DGKD: variants seen among roughly 807,000 people sequenced by gnomAD.
DGKD encodes the protein DAG kinase delta.
A neutral mutation model predicts 154.4 loss-of-function variants in DGKD; 68 were observed. That is an observed-to-expected ratio of 0.44 (90% CI 0.36 to 0.54). The LOEUF (loss-of-function observed/expected upper bound fraction) is 0.54, where lower values mean the gene tolerates loss of function less well. Among genes scored for constraint, DGKD ranks in the 20% least tolerant of loss-of-function variants. The probability of loss-of-function intolerance (pLI) is 0.00; values close to 1 mark genes in which losing one functional copy is unlikely to be tolerated. For synonymous variants in DGKD, 693 were observed against 638.0 expected (o/e 1.09, Z -1.30); for missense variants, 1,343 against 1,593.6 (o/e 0.84, Z 2.68).
At chr2:233,461,288 T>C (rs375780130) in intron 24 of DGKD, among the ~76,000 whole-genome samples, 20 of 152,328 alleles carry the variant, frequency 1.3e-4, no homozygotes, top group African/African-American at 2.4e-4. Context: ...CTGGGCTCCT[T>C]CTTCTCCTGG....
rs1423888622 is a variant in DGKD, at chr2:233,436,379, G to A, written c.757G>A (p.Asp253Asn). Residue 253 changes from aspartate (D) to asparagine (N), a missense_variant, in exon 7 of 30, where the codon GAC (aspartate) becomes AAC (asparagine). Asp to Asn is a conservative substitution (Grantham distance 23). Coordinates refer to ENST00000264057, the MANE Select transcript of DGKD (RefSeq NM_152879.3). The part of the protein sequence containing the change: ...LPVSAKCTVC[D>N]KTCGSVLRLQ... ...TGTGAGCGCCAAGTGCACTGTGTGC[G>A]ACAAGACCTGTGGCAGTGTGCTGCG... 1.9e-6 allele frequency: 3 copies of A among 1,614,064 alleles called. No homozygotes were observed. Among genetic ancestry groups the A allele is most frequent in the African/African-American group, 2.7e-5 (2 of 74,942 alleles).
Position 233,388,399 on chromosome 2 carries a change from G to A in DGKD, c.267+32G>A, listed in dbSNP as rs921519638. 4.4e-6 allele frequency: 7 copies of A among 1,591,152 alleles called. No homozygotes were observed. In the Admixed American group the frequency reaches 5.4e-5, roughly 12 times the overall value. ...CCCCATGCAGGAAAGCACACGCGAG[G>A]ACATCACAGGAGCCGTCCCAGGGGA... On this transcript the variant is annotated intron_variant, in intron 2 of 29. Coordinates refer to ENST00000264057, the MANE Select transcript of DGKD (RefSeq NM_152879.3).
Position 233,449,074 on chromosome 2 carries a change from T to A in DGKD, c.1615-29T>A. The A allele has an allele frequency of 1.3e-6, 2 of 1,565,172 alleles. No homozygotes were observed. Among genetic ancestry groups the A allele is most frequent in the Non-Finnish European group, 1.7e-6 (2 of 1,148,280 alleles). On this transcript the variant is annotated intron_variant, in intron 14 of 29. Transcript: ENST00000264057. The surrounding 1 kb of genome is among the most constrained non-coding windows in gnomAD (Gnocchi z 5.3). ...GCAGACCCTGTTCTCCTGCCTCAGCTCTGCATGCCATTTCCTTTCCTTGTT... is the reference window on the plus strand; with the variant it reads ...GCAGACCCTGTTCTCCTGCCTCAGCACTGCATGCCATTTCCTTTCCTTGTT...
Position 233,357,312 on chromosome 2 carries a change from A to G in DGKD, c.156+2638A>G, listed in dbSNP as rs568008596. On this transcript the variant is annotated intron_variant, in intron 1 of 29. Coordinates refer to ENST00000264057, the MANE Select transcript of DGKD (RefSeq NM_152879.3). ...AATGGATCTGAGGACAAGCTGGCCC[A>G]GGACCAGAACTGTATGTATGTCAGG... is the stretch of plus-strand genomic sequence containing the variant. 6.2e-4 allele frequency among the ~76,000 whole-genome samples: 95 copies of G among 152,314 alleles called. 1 individual carries two copies. The highest frequency in any genetic ancestry group is 2.0e-3 in the African/African-American group (85 of 41,574).
intron 27 of DGKD, among the ~76,000 whole-genome samples, chr2:233,465,792 G>GTTGTGT (rs2063805228): frequency 6.6e-6 from 1 of 151,962 alleles, no homozygotes; most frequent in Admixed American, 6.6e-5. Flanking sequence ...AAATTCTTAG[G>GTTGTGT]TTGTGTTTTA....
chr2:233,357,534 TTTC>T (rs1449448591), intron 1 of DGKD, among the ~76,000 whole-genome samples: 1 of 147,676 alleles, frequency 6.8e-6, no homozygotes, highest in South Asian at 2.1e-4. Flanking sequence ...TCTTTCTTTC[TTTC>T]TTTTTTTTTT....
chr2:233,464,359 ACCCG>A (rs1408688913), intron 27 of DGKD, 76 bp downstream of exon 27: 1 of 1,568,878 alleles, frequency 6.4e-7, no homozygotes, highest in African/African-American at 1.4e-5. Context: ...GTTCCTTGTG[ACCCG>A]TGTGGCTCTG....
intron 1 of DGKD, among the ~76,000 whole-genome samples, chr2:233,367,742 C>T (rs1263259414): frequency 1.3e-5 from 2 of 152,106 alleles, no homozygotes; most frequent in African/African-American, 4.8e-5. Flanking sequence ...ATGCTCTGTG[C>T]TCTACCGCAT....
chr2:233,386,143 G>T, intron 1 of DGKD: 1 of 312,750 alleles, frequency 3.2e-6, no homozygotes, highest in Non-Finnish European at 6.4e-6. Context: ...TCTGGGTTTT[G>T]GGTTGTTGGT....
chr2:233,357,721 G>C (rs1160272493), intron 1 of DGKD, among the ~76,000 whole-genome samples: 1 of 151,920 alleles, frequency 6.6e-6, no homozygotes, highest in Non-Finnish European at 1.5e-5. Flanking sequence ...TTTTGTTGTA[G>C]AGATGGAGTT....
At chr2:233,435,214 G>A (rs2062648887) in intron 5 of DGKD, among the ~76,000 whole-genome samples, 1 of 152,228 alleles carries the variant, frequency 6.6e-6, no homozygotes, top group South Asian at 2.1e-4. Flanking sequence ...ACACTCTGCA[G>A]CCGGGGAAAC....
At chr2:233,430,073 T>C (rs2062458359) in intron 3 of DGKD, among the ~76,000 whole-genome samples, 2 of 152,252 alleles carry the variant, frequency 1.3e-5, no homozygotes, top group African/African-American at 4.8e-5. Context: ...AAAAGTTAAA[T>C]AACATATTTT....
At chr2:233,469,300 C>G (rs2063928457) in intron 29 of DGKD, 71 bp from the exon 30 acceptor site, 1 of 1,355,528 alleles carries the variant, frequency 7.4e-7, no homozygotes, top group African/African-American at 1.4e-5. Flanking sequence ...GCCGTTGTGG[C>G]AGGCCTGCTG....
intron 24 of DGKD, 59 bp downstream of exon 24, chr2:233,460,404 C>A: frequency 6.3e-7 from 1 of 1,594,368 alleles, no homozygotes; most frequent in Non-Finnish European, 8.6e-7. Context: ...TGGGACTGCA[C>A]TCTTCCAAGG....
chr2:233,454,662 T>A (rs2063398549), intron 18 of DGKD, 101 bp from the exon 19 acceptor site: 1 of 683,896 alleles, frequency 1.5e-6, no homozygotes, highest in Non-Finnish European at 2.6e-6. Flanking sequence ...AAGAAAAAGT[T>A]ACCAGTTTTC....
At chr2:233,363,224 G>A (rs1045800804) in intron 1 of DGKD, among the ~76,000 whole-genome samples, 1 of 152,158 alleles carries the variant, frequency 6.6e-6, no homozygotes, top group African/African-American at 2.4e-5. Context: ...CCTTCCAGTG[G>A]GATAGGATGT....
At chr2:233,370,463 C>A (rs1438631448) in intron 1 of DGKD, among the ~76,000 whole-genome samples, 1 of 152,038 alleles carries the variant, frequency 6.6e-6, no homozygotes, top group Non-Finnish European at 1.5e-5. Context: ...GTGATCTGAC[C>A]GCCCTGGCCT....
Position 233,437,486 on chromosome 2 carries a change from AC to A in DGKD, c.922+9del. On this transcript the variant is annotated splice_region_variant and intron_variant, in intron 8 of 29. Coordinates refer to ENST00000264057, the MANE Select transcript of DGKD (RefSeq NM_152879.3). ...AACAGCATCGACTCCGATGGTGGGT[AC>A]CACACATGCTTATCCTTCTCATGCA... is the stretch of plus-strand genomic sequence containing the variant. 2.5e-6 allele frequency: 4 copies of A among 1,613,288 alleles called. No individual in the cohort carries two copies. The highest frequency in any genetic ancestry group is 3.4e-6 in the Non-Finnish European group (4 of 1,179,348).
Position 233,469,509 on chromosome 2 carries a change from A to G in DGKD, c.*49A>G. On this transcript the variant is annotated 3_prime_UTR_variant, in exon 30 of 30. Coordinates refer to ENST00000264057, the MANE Select transcript of DGKD (RefSeq NM_152879.3). ...CTCCACATCCCCGCCGCCGAGGCCT[A>G]GCCTCCGCCCTCTCAGCCTGTGGCC... 6.7e-7 allele frequency: 1 copy of G among 1,500,152 alleles called. No individual in the cohort carries two copies. Among genetic ancestry groups the G allele is most frequent in the Non-Finnish European group, 9.1e-7 (1 of 1,101,646 alleles). The allele number at this position is 1,500,152 out of a possible 1,614,324, so 92.9% of individuals were successfully genotyped here.
Sources: gnomAD v4.1 joint callset for allele counts (sites outside exome capture counted in the v4.1 genomes callset) on GRCh38, gnomAD v4.1.1 for gene constraint, Gnocchi (gnomAD v3.1) non-coding constraint, MANE v1.5 for transcripts, NCBI Gene and HGNC (gene_info 2026-07-23, HGNC 2026-07-21) for gene names.